Variants in CCNJL observed in about 807,000 individuals in gnomAD.
The protein encoded by CCNJL is cyclin-J-like protein.
Under a neutral mutation model 33.4 loss-of-function variants are expected in CCNJL, and 33 were observed. The ratio of observed to expected loss-of-function variants is 0.99; its 90% CI spans 0.75 to 1.32. CCNJL has a LOEUF of 1.32. Among genes scored for constraint, CCNJL ranks in the 40% most tolerant of loss-of-function variants. CCNJL has a pLI of 0.00. For missense variants in CCNJL, 512 were observed against 499.7 expected, an observed-to-expected ratio of 1.02 and a Z score of -0.23; for synonymous variants, 227 against 220.9, an observed-to-expected ratio of 1.03 and a Z score of -0.24.
chr5:160,334,973 T>C (rs769994092), intron 1 of CCNJL, among the ~76,000 whole-genome samples: 1 of 152,236 alleles, frequency 6.6e-6, no homozygotes, highest in Non-Finnish European at 1.5e-5. Context: ...ATATAGATTA[T>C]ACATTTTGGC....
At chr5:160,310,792 A>G (rs1473738711) in intron 2 of CCNJL, among the ~76,000 whole-genome samples, 7 of 152,202 alleles carry the variant, frequency 4.6e-5, no homozygotes, top group Non-Finnish European at 2.9e-5. Flanking sequence ...GTGGAGGCAG[A>G]GACTGGAATG....
At position 160,253,504 on chromosome 5, in the gene CCNJL, G is replaced by T. The variant is rs759256343; in HGVS notation, c.1038C>A (p.Pro346=). The T allele has an allele frequency of 8.1e-6, 13 of 1,614,194 alleles. No individual in the cohort carries two copies. Among genetic ancestry groups the T allele is most frequent in the Non-Finnish European group, 1.1e-5 (13 of 1,180,026 alleles). ...PLQPLDMCPV[P]VPASLSMHMA... ...TATGCATGCTAAGGGATGCAGGGAC[G>T]GGCACGGGACACATATCCAAGGGCT... is the stretch of plus-strand genomic sequence containing the variant. Residue 346 remains proline, a synonymous_variant, in exon 6 of 6, where the codon CCC becomes CCA. Transcript: ENST00000257536.
intron 1 of CCNJL, among the ~76,000 whole-genome samples, chr5:160,321,030 C>T (rs1447562884): frequency 2.4e-5 from 1 of 41,498 alleles, no homozygotes; most frequent in African/African-American, 1.4e-4. Flanking sequence ...TTCTTTCTTT[C>T]TTTCTTTCTT....
intron 2 of CCNJL, among the ~76,000 whole-genome samples, chr5:160,283,467 A>G (rs1333500076): frequency 6.6e-6 from 1 of 152,236 alleles, no homozygotes; most frequent in Non-Finnish European, 1.5e-5. Context: ...ACTAAACTGC[A>G]TATTTTAATT....
chr5:160,296,942 T>C (rs898383595), intron 2 of CCNJL, among the ~76,000 whole-genome samples: 1 of 152,132 alleles, frequency 6.6e-6, no homozygotes, highest in African/African-American at 2.4e-5. Context: ...TATGTGGGCT[T>C]GGGTAAGGTA....
intron 1 of CCNJL, among the ~76,000 whole-genome samples, chr5:160,318,518 A>G (rs1763404027): frequency 6.6e-6 from 1 of 152,260 alleles, no homozygotes; most frequent in Admixed American, 6.5e-5. Flanking sequence ...ATTCTAGGAA[A>G]GATGAATGAC....
At chr5:160,332,072 A>G (rs771929618) in intron 1 of CCNJL, among the ~76,000 whole-genome samples, 1 of 151,938 alleles carries the variant, frequency 6.6e-6, no homozygotes, top group Non-Finnish European at 1.5e-5. Context: ...TGAATATTTC[A>G]TGCCATCTCT....
intron 2 of CCNJL, among the ~76,000 whole-genome samples, chr5:160,302,005 C>T (rs1486047153): frequency 2.6e-5 from 4 of 152,216 alleles, no homozygotes; most frequent in Non-Finnish European, 5.9e-5. Context: ...GCTGGGATTA[C>T]AGGCATGAGC....
intron 2 of CCNJL, among the ~76,000 whole-genome samples, chr5:160,296,291 C>G (rs903842516): frequency 1.3e-5 from 2 of 152,214 alleles, no homozygotes; most frequent in African/African-American, 4.8e-5. Context: ...CCTTCACTTA[C>G]AGGGCAGAGG....
intron 2 of CCNJL, among the ~76,000 whole-genome samples, chr5:160,281,591 T>C (rs1057313066): frequency 6.6e-6 from 1 of 152,234 alleles, no homozygotes; most frequent in African/African-American, 2.4e-5. Context: ...AATGTTCTTA[T>C]ATGCAGTATC....
chr5:160,249,731 C>T lies in CCNJL; in HGVS notation c.*3647G>A, dbSNP rs1760755420. 1 of 151,288 alleles carries T rather than the reference C, an allele frequency of 6.6e-6. No homozygotes were observed. The highest frequency in any genetic ancestry group is 6.6e-5 in the Admixed American group (1 of 15,150). The allele number at this position is 151,288 out of a possible 1,614,324, so 9.4% of individuals were successfully genotyped here. On this transcript the variant is annotated 3_prime_UTR_variant, in exon 6 of 6. Transcript: ENST00000257536. Reference sequence around the variant, plus strand: ...TGAGCCGTGACTGTGCCACTGCACTCTAGCCTGGGCCACAGAGTGAGACCC... The same window carrying T: ...TGAGCCGTGACTGTGCCACTGCACTTTAGCCTGGGCCACAGAGTGAGACCC...
chr5:160,282,025 T>C (rs745563345), intron 2 of CCNJL, among the ~76,000 whole-genome samples: 4 of 152,246 alleles, frequency 2.6e-5, no homozygotes, highest in Non-Finnish European at 4.4e-5. Flanking sequence ...AGAAGTAAAA[T>C]TGAAGGAAAA....
chr5:160,255,458 G>A (rs189619375), intron 5 of CCNJL, 91 bp downstream of exon 5: 1,250 of 1,240,684 alleles, frequency 1.0e-3, no homozygotes, highest in Non-Finnish European at 1.3e-3. Context: ...ACAAGTTCCA[G>A]ACTCTGGAAA....
chr5:160,331,328 A>G (rs1581024010), intron 1 of CCNJL, among the ~76,000 whole-genome samples: 1 of 146,112 alleles, frequency 6.8e-6, no homozygotes, highest in South Asian at 2.1e-4. Context: ...GGTTCACACC[A>G]TTCTCCTGCC....
chr5:160,285,245 A>C (rs1402671124), intron 2 of CCNJL, among the ~76,000 whole-genome samples: 1 of 152,190 alleles, frequency 6.6e-6, no homozygotes, highest in Admixed American at 6.5e-5. Flanking sequence ...TAACTTCTTT[A>C]AGGAAAAGAC....
intron 2 of CCNJL, 161 bp from the exon 3 acceptor site, chr5:160,280,899 C>T: frequency 1.4e-6 from 1 of 703,692 alleles, no homozygotes; most frequent in Non-Finnish European, 2.6e-6. Context: ...CCCGCCTGGG[C>T]TATCTCCCAT....
At chr5:160,280,910 C>T (rs182372982) in intron 2 of CCNJL, 172 bp from the exon 3 acceptor site, 1 of 700,058 alleles carries the variant, frequency 1.4e-6, no homozygotes, top group Admixed American at 2.0e-5. Context: ...TATCTCCCAT[C>T]TGCTTTCACT....
At chr5:160,301,971 C>G (rs182774762) in intron 2 of CCNJL, among the ~76,000 whole-genome samples, 32 of 152,100 alleles carry the variant, frequency 2.1e-4, no homozygotes, top group Admixed American at 2.0e-3. Context: ...CTCATGTGAT[C>G]CACCCACCTC....
intron 2 of CCNJL, among the ~76,000 whole-genome samples, chr5:160,296,342 A>G (rs1173030720): frequency 1.3e-5 from 2 of 152,198 alleles, no homozygotes; most frequent in South Asian, 4.1e-4. Flanking sequence ...GCCCTCCAAG[A>G]ATAATGTTTA....
Sources: allele counts gnomAD v4.1 joint callset (sites outside exome capture counted in the v4.1 genomes callset), GRCh38; gene constraint gnomAD v4.1.1; transcripts MANE v1.5; gene names NCBI Gene and HGNC (gene_info 2026-07-23, HGNC 2026-07-21).